Variants in KIAA1549L observed in about 807,000 individuals in gnomAD.
KIAA1549L encodes KIAA1549 like.
In KIAA1549L, 88 loss-of-function variants were observed where a neutral mutation model predicts 160.7. That is an observed-to-expected ratio of 0.55 (90% CI 0.46 to 0.65). The LOEUF is 0.65. KIAA1549L is among the 30% of genes least tolerant of loss of function. KIAA1549L has a pLI of 0.00. For synonymous variants in KIAA1549L, 950 were observed against 976.7 expected (o/e 0.97, Z 0.51); for missense variants, 2,258 against 2,437.5 (o/e 0.93, Z 1.55).
chr11:33,419,854 T>A (rs1418552961), intron 1 of KIAA1549L, among the ~76,000 whole-genome samples: 2 of 143,998 alleles, frequency 1.4e-5, no homozygotes, highest in South Asian at 2.2e-4. Flanking sequence ...TTAAAAAAAA[T>A]GTTATACATA....
chr11:33,466,057 A>G (rs976393958), intron 1 of KIAA1549L, among the ~76,000 whole-genome samples: 1 of 152,192 alleles, frequency 6.6e-6, no homozygotes, highest in Admixed American at 6.5e-5. Flanking sequence ...ATCTCCATAC[A>G]TTGTAGACTG....
chr11:33,602,905 G>T (rs1850401269), intron 13 of KIAA1549L, among the ~76,000 whole-genome samples: 1 of 152,144 alleles, frequency 6.6e-6, no homozygotes, highest in South Asian at 2.1e-4. Flanking sequence ...TTTTGAAAGA[G>T]TGAAAAATAA....
intron 16 of KIAA1549L, among the ~76,000 whole-genome samples, chr11:33,630,124 G>C (rs1851238357): frequency 1.3e-5 from 2 of 151,930 alleles, no homozygotes; most frequent in South Asian, 4.1e-4. Flanking sequence ...ACTTGAGGAG[G>C]CAGTCTGCCC....
rs1312150588 is a variant in KIAA1549L at position 33,591,362 on chromosome 11, A to G, written c.4692A>G (p.Arg1564=). Residue 1564 remains arginine, a synonymous_variant, in exon 12 of 21, where the codon AGA becomes AGG. Transcript: ENST00000658780. ...PLPIRDAPQE[R]DVAQDGSTIK... ...CCATTAGAGATGCTCCTCAGGAAAG[A>G]GACGTCGCTCAGGATGGAAGCACCA... The G allele has an allele frequency of 6.2e-7, 1 of 1,613,588 alleles. No homozygotes were observed. The highest frequency in any genetic ancestry group is 1.7e-5 in the Admixed American group (1 of 60,002).
chr11:33,636,444 G>T (rs115845225), intron 16 of KIAA1549L, among the ~76,000 whole-genome samples: 1,785 of 151,636 alleles, frequency 0.012, 35 homozygotes, highest in African/African-American at 0.042. Context: ...CACCTCCTGG[G>T]TTCAGCCTCC....
chr11:33,556,901 A>G (rs1176419491), intron 6 of KIAA1549L, among the ~76,000 whole-genome samples: 3 of 152,232 alleles, frequency 2.0e-5, no homozygotes, highest in Non-Finnish European at 4.4e-5. Context: ...AAATAATTAT[A>G]ACTTAACTGG....
At chr11:33,399,388 G>A (rs1850452163) in intron 1 of KIAA1549L, among the ~76,000 whole-genome samples, 1 of 152,164 alleles carries the variant, frequency 6.6e-6, no homozygotes, top group African/African-American at 2.4e-5. Flanking sequence ...TAAATCAAAT[G>A]TCCTCTTTAG....
chr11:33,473,626 C>T (rs779974432), intron 1 of KIAA1549L, among the ~76,000 whole-genome samples: 9 of 152,166 alleles, frequency 5.9e-5, no homozygotes, highest in Admixed American at 2.6e-4. Context: ...TCTCCGCTTC[C>T]GAGCATGGCA....
chr11:33,599,053 G>A (rs1850286350), intron 13 of KIAA1549L, 106 bp downstream of exon 13: 14 of 1,344,680 alleles, frequency 1.0e-5, no homozygotes, highest in Non-Finnish European at 1.4e-5. Context: ...ACTGGGCTCT[G>A]ACCCTCAGTC....
At chr11:33,514,453 T>C (rs1370539304) in intron 1 of KIAA1549L, among the ~76,000 whole-genome samples, 1 of 152,234 alleles carries the variant, frequency 6.6e-6, no homozygotes, top group Non-Finnish European at 1.5e-5. Flanking sequence ...ATTTTCATTT[T>C]CTGTGCCAGA....
chr11:33,636,130 A>C (rs1287559228), intron 16 of KIAA1549L, among the ~76,000 whole-genome samples: 1 of 152,266 alleles, frequency 6.6e-6, no homozygotes, highest in Non-Finnish European at 1.5e-5. Flanking sequence ...CACAGTGGTT[A>C]TTCAGACAAC....
intron 16 of KIAA1549L, among the ~76,000 whole-genome samples, chr11:33,632,933 C>T (rs1050349192): frequency 5.9e-5 from 9 of 151,686 alleles, no homozygotes; most frequent in South Asian, 2.1e-4. Context: ...CCACGTCACT[C>T]TTCCCTCCAG....
chr11:33,623,379 C>T (rs1264589498), intron 16 of KIAA1549L, among the ~76,000 whole-genome samples: 1 of 152,208 alleles, frequency 6.6e-6, no homozygotes, highest in Non-Finnish European at 1.5e-5. Flanking sequence ...GCATCTCACC[C>T]AAAACTTTCC....
chr11:33,592,614 CAG>C (rs1407883616), intron 12 of KIAA1549L, among the ~76,000 whole-genome samples: 5 of 152,178 alleles, frequency 3.3e-5, no homozygotes, highest in Non-Finnish European at 5.9e-5. Context: ...GTGAACAAGA[CAG>C]AGTTACTGTT....
At chr11:33,417,817 G>A (rs1489094230) in intron 1 of KIAA1549L, among the ~76,000 whole-genome samples, 1 of 151,722 alleles carries the variant, frequency 6.6e-6, no homozygotes, top group Non-Finnish European at 1.5e-5. Context: ...TCAGTCTGTC[G>A]CCCAGGCTGG....
chr11:33,388,659 A>G (rs1239355822), intron 1 of KIAA1549L, among the ~76,000 whole-genome samples: 1 of 152,204 alleles, frequency 6.6e-6, no homozygotes, highest in Non-Finnish European at 1.5e-5. Flanking sequence ...AAATTGTGTC[A>G]TGAGAGAACT....
intron 12 of KIAA1549L, among the ~76,000 whole-genome samples, chr11:33,595,219 A>G (rs915244477): frequency 1.3e-5 from 2 of 152,108 alleles, no homozygotes; most frequent in African/African-American, 4.8e-5. Context: ...GGATTTCTAT[A>G]TTTGCTTCAT....
At chr11:33,451,741 T>C (rs975575742) in intron 1 of KIAA1549L, among the ~76,000 whole-genome samples, 3 of 152,196 alleles carry the variant, frequency 2.0e-5, no homozygotes, top group Non-Finnish European at 4.4e-5. Context: ...TTATTCCAAC[T>C]TAGGGAAATG....
intron 1 of KIAA1549L, among the ~76,000 whole-genome samples, chr11:33,517,477 G>T (rs1853374618): frequency 6.6e-6 from 1 of 152,166 alleles, no homozygotes; most frequent in Admixed American, 6.5e-5. Flanking sequence ...CTAGTAAAAA[G>T]AATCCTTGGT....
Sources: allele counts gnomAD v4.1 joint callset (sites outside exome capture counted in the v4.1 genomes callset), GRCh38; gene constraint gnomAD v4.1.1; transcripts MANE v1.5; gene names NCBI Gene and HGNC (gene_info 2026-07-23, HGNC 2026-07-21).